AFF4: variants seen among roughly 807,000 people sequenced by gnomAD.
The protein encoded by AFF4 is ALF transcription elongation factor 4, also known as AF4/FMR2 family member 4.
A neutral mutation model predicts 124.8 loss-of-function variants in AFF4; 13 were observed. That is an observed-to-expected ratio of 0.10 (90% CI 0.07 to 0.17). The LOEUF is 0.17. AFF4 is among the 10% of genes least tolerant of loss of function. AFF4 has a pLI of 1.00. For missense variants in AFF4, 1,092 were observed against 1,403.8 expected (o/e 0.78, Z 3.55); for synonymous variants, 477 against 496.1 (o/e 0.96, Z 0.51).
chr5:132,950,184 A>T (rs1487388026), intron 1 of AFF4, among the ~76,000 whole-genome samples: 1 of 152,086 alleles, frequency 6.6e-6, no homozygotes, highest in Non-Finnish European at 1.5e-5. Context: ...ACAAAAAATA[A>T]GCCGTGCCTG....
chr5:132,921,813 C>T (rs191970322), intron 5 of AFF4, among the ~76,000 whole-genome samples: 2 of 152,102 alleles, frequency 1.3e-5, no homozygotes, highest in Non-Finnish European at 2.9e-5. Flanking sequence ...GAGAGTCAGT[C>T]TCTGTGACCC....
chr5:132,934,011 CA>C, intron 3 of AFF4, 135 bp downstream of exon 3: 1 of 1,027,236 alleles, frequency 9.7e-7, no homozygotes, highest in Non-Finnish European at 1.4e-6. Context: ...TCTGTCTTTA[CA>C]TTTTTTTCAT....
Position 132,878,343 on chromosome 5 carries a change from C to G in AFF4, c.*2716G>C. 1 of 230,500 alleles carries G rather than the reference C, an allele frequency of 4.3e-6. No individual in the cohort carries two copies. The highest frequency in any genetic ancestry group is 8.6e-6 in the Non-Finnish European group (1 of 116,180). 14.3% of individuals were successfully genotyped at this position (230,500 alleles called of 1,614,324 possible). A position where few individuals can be genotyped will look rare whatever the true frequency, so the allele number is the denominator to read the frequency against. Reference sequence around the variant, plus strand: ...AAGTGTAGTCATAAAGAGCAGTCAACAGAGTAACTGTTTAAAATAGTTGTT... The same window carrying G: ...AAGTGTAGTCATAAAGAGCAGTCAAGAGAGTAACTGTTTAAAATAGTTGTT... On this transcript the variant is annotated 3_prime_UTR_variant, in exon 21 of 21. Coordinates refer to ENST00000265343, the MANE Select transcript of AFF4 (RefSeq NM_014423.4).
In AFF4 at chr5:132,945,952, C is replaced by T. The variant is rs535452791; in HGVS notation, c.-4-8759G>A. On this transcript the variant is annotated intron_variant, in intron 1 of 20. Transcript: ENST00000265343. ...GCGCAAGCCTGTAATCCCAGCTACTCGGGAGGATGAGGCAGGAGAATTGCT... is the reference window on the plus strand; with the variant it reads ...GCGCAAGCCTGTAATCCCAGCTACTTGGGAGGATGAGGCAGGAGAATTGCT... 2.4e-4 allele frequency among the ~76,000 whole-genome samples: 36 copies of T among 151,136 alleles called. No homozygotes were observed. In the East Asian group the frequency reaches 5.7e-3, roughly 24 times the overall value.
intron 6 of AFF4, among the ~76,000 whole-genome samples, chr5:132,902,840 T>G (rs1201981565): frequency 6.6e-6 from 1 of 152,170 alleles, no homozygotes. Context: ...AAGCACACAC[T>G]TGGGAATGTT....
intron 5 of AFF4, among the ~76,000 whole-genome samples, chr5:132,910,528 G>A (rs1490061249): frequency 2.0e-5 from 3 of 152,128 alleles, no homozygotes; most frequent in Non-Finnish European, 4.4e-5. Context: ...CATATAGTTA[G>A]TGCACATGGA....
At chr5:132,921,167 G>A (rs1306295575) in intron 5 of AFF4, among the ~76,000 whole-genome samples, 2 of 151,398 alleles carry the variant, frequency 1.3e-5, no homozygotes, top group Admixed American at 1.3e-4. Flanking sequence ...TTAAAAATGG[G>A]CAAAATATTC....
chr5:132,937,742 T>TA (rs1400314276), intron 1 of AFF4: 1 of 152,170 alleles, frequency 6.6e-6, no homozygotes, highest in Admixed American at 6.6e-5. Flanking sequence ...CTAGATTCCC[T>TA]AAAAAACGAC....
intron 5 of AFF4, among the ~76,000 whole-genome samples, chr5:132,921,091 C>A (rs575561035): frequency 6.7e-6 from 1 of 149,144 alleles, no homozygotes; most frequent in Non-Finnish European, 1.5e-5. Flanking sequence ...CGCGCCACTG[C>A]ACTCTAGCCT....
rs926520527 is a variant in AFF4, at chr5:132,879,273, T to C, written c.*1786A>G. 2.7e-5 allele frequency: 6 copies of C among 218,266 alleles called. No individual in the cohort carries two copies. Among genetic ancestry groups the C allele is most frequent in the African/African-American group, 1.3e-4 (6 of 44,526 alleles). 13.5% of individuals were successfully genotyped at this position (218,266 alleles called of 1,614,324 possible). On this transcript the variant is annotated 3_prime_UTR_variant, in exon 21 of 21. Coordinates refer to ENST00000265343, the MANE Select transcript of AFF4 (RefSeq NM_014423.4). ...GTAAAAAAGTCTCAAACACAAAGGA[T>C]TCACTGCACTACTGGACTTGAAACT...
At chr5:132,925,995 CAAAGAG>C (rs901711953) in intron 5 of AFF4, among the ~76,000 whole-genome samples, 5 of 151,958 alleles carry the variant, frequency 3.3e-5, no homozygotes, top group African/African-American at 1.2e-4. Flanking sequence ...GCTTAAATAC[CAAAGAG>C]AAATGGCTAA....
At chr5:132,934,070 A>G (rs1761362060) in intron 3 of AFF4, 77 bp downstream of exon 3, 73 of 1,454,458 alleles carry the variant, frequency 5.0e-5, no homozygotes, top group Non-Finnish European at 6.3e-5. Context: ...AGCAGTGTTC[A>G]AGTTCAATCG....
At position 132,877,638 on chromosome 5, in the gene AFF4, G is replaced by A; in HGVS notation, c.*3421C>T. ...CTCCTCTATATAACTAGGCATCACT[G>A]ACTGGAACAATCACTGGCTGCTCTG... On this transcript the variant is annotated 3_prime_UTR_variant, in exon 21 of 21. Coordinates refer to ENST00000265343, the MANE Select transcript of AFF4 (RefSeq NM_014423.4). The A allele has an allele frequency of 4.7e-6, 1 of 211,156 alleles. No homozygotes were observed. The highest frequency in any genetic ancestry group is 9.6e-6 in the Non-Finnish European group (1 of 103,704). The allele number at this position is 211,156 out of a possible 1,614,324, so 13.1% of individuals were successfully genotyped here. A position where few individuals can be genotyped will look rare whatever the true frequency, so the allele number is the denominator to read the frequency against.
intron 1 of AFF4, among the ~76,000 whole-genome samples, chr5:132,962,950 T>C (rs1455900359): frequency 6.6e-6 from 1 of 151,832 alleles, no homozygotes; most frequent in African/African-American, 2.4e-5. Context: ...GAGGAGGATA[T>C]GAAAAAGTAA....
chr5:132,934,775 T>C lies in AFF4; in HGVS notation c.290A>G (p.Gln97Arg), dbSNP rs779991002. 4 of 1,614,172 alleles carry C rather than the reference T, an allele frequency of 2.5e-6. No individual in the cohort carries two copies. The highest frequency in any genetic ancestry group is 4.5e-5 in the East Asian group (2 of 44,876). ...DEKSNPNFFE[Q>R]RHGGSHQSSK... Reference sequence around the variant, plus strand: ...ACTCTGATGAGAGCCTCCATGTCTCTGTTCAAAGAAATTTGGGTTAGATTT... The same window carrying C: ...ACTCTGATGAGAGCCTCCATGTCTCCGTTCAAAGAAATTTGGGTTAGATTT... Residue 97 changes from glutamine to arginine, a missense_variant, in exon 3 of 21, where the codon CAG becomes CGG. Around this residue, in one of 11 missense-constraint regions of AFF4, gnomAD observed 188 missense variants for 203.0 expected, o/e 0.93. Coordinates refer to ENST00000265343, the MANE Select transcript of AFF4 (RefSeq NM_014423.4).
chr5:132,879,366 T>TA lies in AFF4; in HGVS notation c.*1692_*1693insT, dbSNP rs1175813534. ...ATCATCTACAAATAGTAGGATAATCTTTTTTTCTGACTGAATGGATTCATT... is the reference window on the plus strand; with the variant it reads ...ATCATCTACAAATAGTAGGATAATCTATTTTTTCTGACTGAATGGATTCATT... On this transcript the variant is annotated 3_prime_UTR_variant, in exon 21 of 21. Transcript: ENST00000265343. 4.8e-6 allele frequency: 1 copy of TA among 209,660 alleles called. No homozygotes were observed. The highest frequency in any genetic ancestry group is 9.7e-6 in the Non-Finnish European group (1 of 102,998). The allele number at this position is 209,660 out of a possible 1,614,324, so 13.0% of individuals were successfully genotyped here. A position where few individuals can be genotyped will look rare whatever the true frequency, so the allele number is the denominator to read the frequency against.
At chr5:132,900,185 G>C (rs1003911993) in intron 7 of AFF4, among the ~76,000 whole-genome samples, 10 of 152,204 alleles carry the variant, frequency 6.6e-5, no homozygotes, top group African/African-American at 2.4e-4. Context: ...ATGAAACAAA[G>C]TGCCCTCTGT....
At chr5:132,958,664 G>C (rs1698420296) in intron 1 of AFF4, among the ~76,000 whole-genome samples, 1 of 152,040 alleles carries the variant, frequency 6.6e-6, no homozygotes, top group Non-Finnish European at 1.5e-5. Flanking sequence ...GGAAGAAATG[G>C]AAGCAACTGC....
intron 1 of AFF4, among the ~76,000 whole-genome samples, chr5:132,962,445 C>T (rs1762099506): frequency 6.6e-6 from 1 of 152,144 alleles, no homozygotes; most frequent in Non-Finnish European, 1.5e-5. Flanking sequence ...AACTCTTCGC[C>T]TTGAACTCCA....
Sources: gnomAD v4.1 joint callset for allele counts (sites outside exome capture counted in the v4.1 genomes callset) on GRCh38, gnomAD v4.1.1 for gene constraint, gnomAD v4.1.1 regional missense constraint, MANE v1.5 for transcripts, NCBI Gene and HGNC (gene_info 2026-07-23, HGNC 2026-07-21) for gene names.